The following AFF3 variants were observed in gnomAD, a reference collection of about 807,000 sequenced individuals.
AFF3 encodes the protein AF4/FMR2 family member 3.
In AFF3, 32 loss-of-function variants were observed where a neutral mutation model predicts 129.7. The observed-to-expected ratio is 0.25, with a 90% CI of 0.19 to 0.33. AFF3 has a LOEUF of 0.33. Among genes scored for constraint, AFF3 ranks in the 10% least tolerant of loss-of-function variants. The probability of loss-of-function intolerance (pLI) is 1.00; values close to 1 mark genes in which losing one functional copy is unlikely to be tolerated. For missense variants in AFF3, 1,373 were observed against 1,592.0 expected (o/e 0.86, Z 2.34); for synonymous variants, 644 against 635.4 (o/e 1.01, Z -0.20).
intron 11 of AFF3, among the ~76,000 whole-genome samples, chr2:99,712,114 C>T (rs948196937): frequency 6.6e-6 from 1 of 152,210 alleles, no homozygotes; most frequent in African/African-American, 2.4e-5. Flanking sequence ...AACTTCCCTT[C>T]TCCCATGACA....
chr2:99,945,550 C>T (rs1224059086), intron 7 of AFF3, among the ~76,000 whole-genome samples: 1 of 152,168 alleles, frequency 6.6e-6, no homozygotes, highest in Non-Finnish European at 1.5e-5. Flanking sequence ...GAGTTAGTAA[C>T]AGTTCCTGCT....
chr2:100,020,692 C>G lies in AFF3; in HGVS notation c.54-11760G>C, dbSNP rs556752225. On this transcript the variant is annotated intron_variant, in intron 4 of 24. Coordinates refer to ENST00000672756, the MANE Select transcript of AFF3 (RefSeq NM_001386135.1). ...CATATCCAATCAACCCTCTCTAGACCTGTCAACTCTACTACCTGAAGACTG... is the reference window on the plus strand; with the variant it reads ...CATATCCAATCAACCCTCTCTAGACGTGTCAACTCTACTACCTGAAGACTG... Among the ~76,000 whole-genome samples, 3 of 152,310 alleles carry G rather than the reference C, an allele frequency of 2.0e-5. No homozygotes were observed. The East Asian group carries it at 5.8e-4, about 29-fold the overall frequency.
intron 4 of AFF3, among the ~76,000 whole-genome samples, chr2:100,023,873 C>T (rs1683803153): frequency 6.6e-6 from 1 of 152,218 alleles, no homozygotes; most frequent in African/African-American, 2.4e-5. Context: ...CCTGGGTAGG[C>T]TGTCATTAAA....
At position 99,709,117 on chromosome 2, in the gene AFF3, C is replaced by T. The variant is rs149787508; in HGVS notation, c.1091+17960G>A. 6.0e-3 allele frequency among the ~76,000 whole-genome samples: 907 copies of T among 152,262 alleles called. 6 individuals are homozygous for T. The highest frequency in any genetic ancestry group is 0.016 in the East Asian group (82 of 5,178). On this transcript the variant is annotated intron_variant, in intron 11 of 24. Transcript: ENST00000672756. ...CTCTAGGCGGGTGCAGAGTCAGGTGCTCTAGCACCTGTTTGTGAACCCAGC... is the reference window on the plus strand; with the variant it reads ...CTCTAGGCGGGTGCAGAGTCAGGTGTTCTAGCACCTGTTTGTGAACCCAGC...
At chr2:99,827,037 C>T (rs911972541) in intron 8 of AFF3, among the ~76,000 whole-genome samples, 1 of 152,260 alleles carries the variant, frequency 6.6e-6, no homozygotes, top group East Asian at 1.9e-4. Flanking sequence ...ACAGCATGGA[C>T]AGCCGGGGAA....
At chr2:99,703,981 G>A (rs549078245) in intron 11 of AFF3, among the ~76,000 whole-genome samples, 3 of 152,294 alleles carry the variant, frequency 2.0e-5, no homozygotes, top group Non-Finnish European at 4.4e-5. Flanking sequence ...ACTTATCACA[G>A]CTTACTGGTG....
intron 11 of AFF3, 24 bp downstream of exon 11, chr2:99,727,053 T>C (rs1212790233): frequency 4.4e-6 from 7 of 1,587,544 alleles, no homozygotes; most frequent in Admixed American, 1.8e-5. Flanking sequence ...CAGGCATCTC[T>C]GATAGAAAAT....
chr2:99,685,221 C>A (rs1575690261), intron 11 of AFF3, among the ~76,000 whole-genome samples: 1 of 152,154 alleles, frequency 6.6e-6, no homozygotes, highest in African/African-American at 2.4e-5. Flanking sequence ...GATTACAGGC[C>A]TGAGCCACCC....
chr2:100,030,305 A>G (rs1684388668), intron 4 of AFF3, among the ~76,000 whole-genome samples: 1 of 152,168 alleles, frequency 6.6e-6, no homozygotes, highest in Non-Finnish European at 1.5e-5. Context: ...AAGATTTGTC[A>G]TTAGGGAGTT....
intron 13 of AFF3, among the ~76,000 whole-genome samples, chr2:99,643,128 C>T (rs1684365934): frequency 1.5e-5 from 2 of 130,448 alleles, no homozygotes; most frequent in East Asian, 2.3e-4. Flanking sequence ...GGTGTGATCT[C>T]GGCTCACTGC....
chr2:99,771,619 T>C (rs1683498799), intron 8 of AFF3, among the ~76,000 whole-genome samples: 1 of 152,204 alleles, frequency 6.6e-6, no homozygotes, highest in Non-Finnish European at 1.5e-5. Flanking sequence ...TAAGACCTTA[T>C]GATTCCCCCA....
rs376977229 is a variant in AFF3, at chr2:99,807,961, G to A, written c.921+29516C>T. On this transcript the variant is annotated intron_variant, in intron 8 of 24. Transcript: ENST00000672756. ...GAGTATATGTAATTAATAAGTGCCTGTCAATCTCATCTGTTCATTGTCAGG... is the reference window on the plus strand; with the variant it reads ...GAGTATATGTAATTAATAAGTGCCTATCAATCTCATCTGTTCATTGTCAGG... Among the ~76,000 whole-genome samples the A allele has an allele frequency of 5.9e-5, 9 of 152,266 alleles. No homozygotes were observed. In the East Asian group the frequency reaches 9.7e-4, roughly 16 times the overall value.
At chr2:99,681,052 C>T (rs1481706633) in intron 11 of AFF3, among the ~76,000 whole-genome samples, 1 of 152,128 alleles carries the variant, frequency 6.6e-6, no homozygotes, top group Non-Finnish European at 1.5e-5. Context: ...GCAATCTGGG[C>T]ATCAGGTTTT....
chr2:99,811,765 G>C (rs548726126), intron 8 of AFF3, among the ~76,000 whole-genome samples: 16 of 152,244 alleles, frequency 1.1e-4, no homozygotes, highest in Admixed American at 2.6e-4. Flanking sequence ...CCATTTGGAC[G>C]CAGAACAACG....
At chr2:100,085,069 G>A (rs190417798) in intron 4 of AFF3, among the ~76,000 whole-genome samples, 2 of 151,804 alleles carry the variant, frequency 1.3e-5, no homozygotes, top group South Asian at 2.1e-4. Flanking sequence ...TGAGATGGCA[G>A]TGAACAGACT....
chr2:100,006,961 G>A lies in AFF3; in HGVS notation c.544C>T (p.Arg182Trp), dbSNP rs763023882. 12 of 1,613,812 alleles carry A rather than the reference G, an allele frequency of 7.4e-6. No homozygotes were observed. The highest frequency in any genetic ancestry group is 1.0e-5 in the Non-Finnish European group (12 of 1,179,894). ...TCCACATTGCACACTTGTTTGGCCC[G>A]AGGCTGCTGTCTGCCAACACCATCT... Reference protein sequence around the residue: ...LGDGVGRQQPRAKQVCNVEVG... With the variant: ...LGDGVGRQQPWAKQVCNVEVG... Residue 182 changes from arginine to tryptophan, a missense_variant, in exon 7 of 25, where the codon CGG becomes TGG. Arg to Trp is a moderately radical substitution (Grantham distance 101). This residue lies in a region of AFF3 where 255 missense variants were observed against 256.0 expected (regional missense o/e 1.00). Coordinates refer to ENST00000672756, the MANE Select transcript of AFF3 (RefSeq NM_001386135.1).
chr2:99,688,613 C>T (rs1251505821), intron 11 of AFF3, among the ~76,000 whole-genome samples: 2 of 152,124 alleles, frequency 1.3e-5, no homozygotes, highest in Non-Finnish European at 2.9e-5. Flanking sequence ...TCGAGGCGCT[C>T]TTTCTTTTCC....
chr2:99,708,160 T>C (rs1444092803), intron 11 of AFF3, among the ~76,000 whole-genome samples: 2 of 152,216 alleles, frequency 1.3e-5, no homozygotes, highest in African/African-American at 2.4e-5. Context: ...AAAAAATTAC[T>C]GTTTATCTGA....
chr2:100,075,811 T>C (rs1688541962), intron 4 of AFF3, among the ~76,000 whole-genome samples: 1 of 152,196 alleles, frequency 6.6e-6, no homozygotes, highest in African/African-American at 2.4e-5. Flanking sequence ...GCACTGCTTG[T>C]TTCTCCATAG....
Sources: allele counts gnomAD v4.1 joint callset (sites outside exome capture counted in the v4.1 genomes callset), GRCh38; gene constraint gnomAD v4.1.1; regional missense constraint gnomAD v4.1.1; transcripts MANE v1.5; gene names NCBI Gene and HGNC (gene_info 2026-07-23, HGNC 2026-07-21).